GRIN2A: variants seen among roughly 807,000 people sequenced by gnomAD.
The protein encoded by GRIN2A is glutamate ionotropic receptor NMDA type subunit 2A, also known as glutamate receptor ionotropic, NMDA 2A.
A neutral mutation model predicts 113.4 loss-of-function variants in GRIN2A; 22 were observed. That is an observed-to-expected ratio of 0.19 (90% CI 0.14 to 0.28). The LOEUF is 0.28. Among genes scored for constraint, GRIN2A ranks in the 10% least tolerant of loss-of-function variants. GRIN2A has a pLI of 1.00. For missense variants in GRIN2A, 1,502 were observed against 1,887.0 expected (o/e 0.80, Z 3.78); for synonymous variants, 827 against 738.4 (o/e 1.12, Z -1.94).
intron 3 of GRIN2A, among the ~76,000 whole-genome samples, chr16:9,924,384 C>T (rs1412535077): frequency 6.6e-6 from 1 of 152,138 alleles, no homozygotes; most frequent in African/African-American, 2.4e-5. Flanking sequence ...TCTTTCAGTA[C>T]AAAATATCTT....
intron 2 of GRIN2A, among the ~76,000 whole-genome samples, chr16:10,148,355 A>T (rs995825113): frequency 4.6e-5 from 7 of 152,190 alleles, no homozygotes; most frequent in African/African-American, 1.4e-4. Context: ...CTAAGTTATC[A>T]GTTAATCATA....
chr16:10,010,295 C>A (rs983686467), intron 2 of GRIN2A, among the ~76,000 whole-genome samples: 3 of 152,184 alleles, frequency 2.0e-5, no homozygotes, highest in Admixed American at 1.3e-4. Context: ...GTTTCCACAG[C>A]CTTATTTTTC....
intron 4 of GRIN2A, among the ~76,000 whole-genome samples, chr16:9,853,909 T>A (rs1170245442): frequency 1.3e-5 from 2 of 152,228 alleles, no homozygotes. Context: ...TCATAAATCC[T>A]TAATTTGATT....
At chr16:9,849,232 TA>T (rs1177910262) in intron 5 of GRIN2A, among the ~76,000 whole-genome samples, 4 of 145,704 alleles carry the variant, frequency 2.7e-5, no homozygotes, top group Non-Finnish European at 6.0e-5. Flanking sequence ...TATAATGTTT[TA>T]TATTTTAATA....
At chr16:10,039,363 C>A (rs1336739158) in intron 2 of GRIN2A, among the ~76,000 whole-genome samples, 1 of 152,206 alleles carries the variant, frequency 6.6e-6, no homozygotes, top group Admixed American at 6.5e-5. Flanking sequence ...GCACCAAAAA[C>A]CTGCTCTCTA....
At chr16:9,960,437 T>C (rs1224588429) in intron 2 of GRIN2A, among the ~76,000 whole-genome samples, 1 of 152,174 alleles carries the variant, frequency 6.6e-6, no homozygotes, top group Non-Finnish European at 1.5e-5. Flanking sequence ...TTTTCTTGCT[T>C]CTGCTTTTCT....
intron 3 of GRIN2A, among the ~76,000 whole-genome samples, chr16:9,910,099 A>G (rs1470828446): frequency 6.6e-6 from 1 of 152,184 alleles, no homozygotes; most frequent in African/African-American, 2.4e-5. Flanking sequence ...TCATCCATCA[A>G]ATGTCTGTTG....
chr16:9,909,732 T>C (rs2044096989), intron 3 of GRIN2A, among the ~76,000 whole-genome samples: 1 of 152,192 alleles, frequency 6.6e-6, no homozygotes, highest in Non-Finnish European at 1.5e-5. Context: ...TGGGCAAACT[T>C]TATTTTTAGA....
At chr16:10,073,090 G>A (rs989349902) in intron 2 of GRIN2A, among the ~76,000 whole-genome samples, 2 of 151,578 alleles carry the variant, frequency 1.3e-5, no homozygotes, top group Non-Finnish European at 2.9e-5. Flanking sequence ...CAAGTAGCTG[G>A]GATTACAGGC....
At chr16:9,968,150 G>T (rs1295258597) in intron 2 of GRIN2A, among the ~76,000 whole-genome samples, 1 of 152,004 alleles carries the variant, frequency 6.6e-6, no homozygotes, top group Non-Finnish European at 1.5e-5. Flanking sequence ...ATAGATACAA[G>T]TTAATCTCCC....
intron 2 of GRIN2A, among the ~76,000 whole-genome samples, chr16:10,012,242 T>C (rs1047507858): frequency 6.6e-6 from 1 of 152,232 alleles, no homozygotes; most frequent in African/African-American, 2.4e-5. Flanking sequence ...AGATTCAATG[T>C]TGAATTGAAC....
chr16:9,924,411 A>G (rs2044417093), intron 3 of GRIN2A, among the ~76,000 whole-genome samples: 1 of 152,108 alleles, frequency 6.6e-6, no homozygotes. Context: ...TTCTTTTCTA[A>G]CCTGTATTGT....
At chr16:10,181,128 G>A (rs1211583657) in intron 1 of GRIN2A, among the ~76,000 whole-genome samples, 12 of 152,218 alleles carry the variant, frequency 7.9e-5, no homozygotes, top group African/African-American at 2.9e-4. Flanking sequence ...GGAACTTGGG[G>A]CTCGCCCCAC....
At position 10,180,774 on chromosome 16, in the gene GRIN2A, G is replaced by C. The variant is rs74006799; in HGVS notation, c.-18-345C>G. The C allele has an allele frequency of 1.4e-5, 6 of 439,092 alleles. No individual in the cohort carries two copies. The highest frequency in any genetic ancestry group is 1.1e-4 in the South Asian group (5 of 45,916). The allele number at this position is 439,092 out of a possible 1,614,324, so 27.2% of individuals were successfully genotyped here. On this transcript the variant is annotated intron_variant, in intron 1 of 12. Transcript: ENST00000330684. This position sits in a 1 kb window ranked among gnomAD's most constrained non-coding sequence, Gnocchi z 7.0. ...GCGGGCCACAGACCCTAAGCGCCGC[G>C]CGTGTTCTGTACCCCACCAAGCTCC...
intron 2 of GRIN2A, among the ~76,000 whole-genome samples, chr16:10,101,368 A>G (rs1596505722): frequency 6.6e-6 from 1 of 152,210 alleles, no homozygotes; most frequent in South Asian, 2.1e-4. Flanking sequence ...TAAAAGCCAC[A>G]ACATGAAGCG....
At chr16:10,116,944 C>CCATCA (rs1490477879) in intron 2 of GRIN2A, among the ~76,000 whole-genome samples, 1 of 152,074 alleles carries the variant, frequency 6.6e-6, no homozygotes, top group East Asian at 1.9e-4. Context: ...AGGTGAGAAG[C>CCATCA]CATCACTGTG....
rs776081176 is a variant in GRIN2A, at chr16:9,773,402, T to G, written c.2357-4313A>C. On this transcript the variant is annotated intron_variant, in intron 11 of 12. Coordinates refer to ENST00000330684, the MANE Select transcript of GRIN2A (RefSeq NM_001134407.3). ...TTTTCCAAGGAGTGGCTCTATGATATTTATTCTGCTGCCAGTTTCTCCTAT... is the reference window on the plus strand; with the variant it reads ...TTTTCCAAGGAGTGGCTCTATGATAGTTATTCTGCTGCCAGTTTCTCCTAT... Among the ~76,000 whole-genome samples the G allele has an allele frequency of 2.6e-5, 4 of 152,216 alleles. No homozygotes were observed. In the East Asian group the frequency reaches 7.7e-4, roughly 29 times the overall value.
At chr16:10,013,018 G>A (rs1005726510) in intron 2 of GRIN2A, among the ~76,000 whole-genome samples, 7 of 152,206 alleles carry the variant, frequency 4.6e-5, no homozygotes, top group East Asian at 1.9e-4. Context: ...GGTGGGAGGC[G>A]GTAGAGGAGC....
At chr16:10,113,796 A>G (rs1455086033) in intron 2 of GRIN2A, among the ~76,000 whole-genome samples, 1 of 152,256 alleles carries the variant, frequency 6.6e-6, no homozygotes, top group African/African-American at 2.4e-5. Flanking sequence ...TTATTGTTTA[A>G]TATGTGTGAC....
Sources: allele counts gnomAD v4.1 joint callset (sites outside exome capture counted in the v4.1 genomes callset), GRCh38; gene constraint gnomAD v4.1.1; non-coding constraint Gnocchi (gnomAD v3.1); transcripts MANE v1.5; gene names NCBI Gene and HGNC (gene_info 2026-07-23, HGNC 2026-07-21).